The following LHFPL3 variants were observed in gnomAD, a reference collection of about 807,000 sequenced individuals.
LHFPL3 encodes LHFPL tetraspan subfamily member 3 protein.
Under a neutral mutation model 19.3 loss-of-function variants are expected in LHFPL3, and 5 were observed. The ratio of observed to expected loss-of-function variants is 0.26; its 90% CI spans 0.14 to 0.54. The LOEUF is 0.54. Among genes scored for constraint, LHFPL3 ranks in the 20% least tolerant of loss-of-function variants. The probability of loss-of-function intolerance (pLI) is 0.94; values close to 1 mark genes in which losing one functional copy is unlikely to be tolerated. For synonymous variants in LHFPL3, 133 were observed against 126.2 expected (o/e 1.05, Z -0.36); for missense variants, 249 against 307.4 (o/e 0.81, Z 1.42).
intron 1 of LHFPL3, among the ~76,000 whole-genome samples, chr7:104,615,486 C>A (rs1015988467): frequency 1.2e-4 from 18 of 152,166 alleles, no homozygotes; most frequent in African/African-American, 4.1e-4. Context: ...GAAACACAAG[C>A]ACCTCAATAT....
chr7:104,513,795 G>A (rs1373633789), intron 1 of LHFPL3, among the ~76,000 whole-genome samples: 1 of 152,176 alleles, frequency 6.6e-6, no homozygotes, highest in Non-Finnish European at 1.5e-5. Flanking sequence ...TTGGGTATCT[G>A]CTGGGCAACA....
intron 2 of LHFPL3, among the ~76,000 whole-genome samples, chr7:104,821,908 G>A (rs1465871506): frequency 1.3e-5 from 2 of 152,222 alleles, no homozygotes; most frequent in African/African-American, 2.4e-5. Context: ...TGCCACAAGT[G>A]TTAGAGAGCT....
chr7:104,738,894 A>G (rs1447418698), intron 2 of LHFPL3: 1 of 151,978 alleles, frequency 6.6e-6, no homozygotes, highest in Non-Finnish European at 1.5e-5. Context: ...TCTTTGCATA[A>G]TTTTTCTGTG....
At chr7:104,837,786 C>T (rs1442252827) in intron 2 of LHFPL3, among the ~76,000 whole-genome samples, 1 of 152,110 alleles carries the variant, frequency 6.6e-6, no homozygotes, top group Non-Finnish European at 1.5e-5. Flanking sequence ...ACTCAAAGCC[C>T]ACACAGGAAT....
intron 2 of LHFPL3, among the ~76,000 whole-genome samples, chr7:104,778,169 A>G (rs1794662231): frequency 6.6e-6 from 1 of 152,114 alleles, no homozygotes; most frequent in Non-Finnish European, 1.5e-5. Context: ...CATATCTTTC[A>G]TATGCTTTTA....
At chr7:104,874,406 T>G (rs35376612) in intron 2 of LHFPL3, among the ~76,000 whole-genome samples, 34,100 of 131,356 alleles carry the variant, frequency 0.26, 3,403 homozygotes, top group South Asian at 0.33. Flanking sequence ...TTTTTTTTTT[T>G]GGGGGGGGGA....
rs887152573 is a variant in LHFPL3, at chr7:104,621,420, A to G, written c.446-115255A>G. Among the ~76,000 whole-genome samples, 102 of 152,338 alleles carry G rather than the reference A, an allele frequency of 6.7e-4. 1 individual carries two copies. Among genetic ancestry groups the G allele is most frequent in the Admixed American group, 5.9e-4 (9 of 15,308 alleles). On this transcript the variant is annotated intron_variant, in intron 1 of 2. Coordinates refer to ENST00000424859, the MANE Select transcript of LHFPL3 (RefSeq NM_199000.3). Reference sequence around the variant, plus strand: ...GAGCTCCCAGAGTTAACATATTTGCACACTGAATTACTTTCCATTCCACCA... The same window carrying G: ...GAGCTCCCAGAGTTAACATATTTGCGCACTGAATTACTTTCCATTCCACCA...
chr7:104,548,473 G>A (rs924334615), intron 1 of LHFPL3, among the ~76,000 whole-genome samples: 3 of 151,986 alleles, frequency 2.0e-5, no homozygotes, highest in Admixed American at 2.0e-4. Flanking sequence ...CAAGTTCCAC[G>A]TCTTGCAAGG....
At chr7:104,552,224 A>G (rs910514813) in intron 1 of LHFPL3, among the ~76,000 whole-genome samples, 1 of 152,228 alleles carries the variant, frequency 6.6e-6, no homozygotes, top group Admixed American at 6.5e-5. Context: ...GCAAGGCATG[A>G]GCCACATAAC....
At chr7:104,538,725 G>A (rs1794433278) in intron 1 of LHFPL3, among the ~76,000 whole-genome samples, 1 of 152,174 alleles carries the variant, frequency 6.6e-6, no homozygotes, top group African/African-American at 2.4e-5. Context: ...AAGTGGGTAT[G>A]GTGGGCAGAA....
intron 1 of LHFPL3, among the ~76,000 whole-genome samples, chr7:104,420,189 C>T (rs1215787176): frequency 6.6e-6 from 1 of 152,174 alleles, no homozygotes; most frequent in Non-Finnish European, 1.5e-5. Context: ...GAGGTACATC[C>T]AGGCCTTCTG....
At position 104,565,673 on chromosome 7, in the gene LHFPL3, CT is replaced by C. The variant is rs138757133; in HGVS notation, c.446-170992del. Among the ~76,000 whole-genome samples, 402 of 149,188 alleles carry C rather than the reference CT, an allele frequency of 2.7e-3. 2 individuals are homozygous for C. Among genetic ancestry groups the C allele is most frequent in the Middle Eastern group, 0.017 (5 of 294 alleles). On this transcript the variant is annotated intron_variant, in intron 1 of 2. Transcript: ENST00000424859. Reference sequence around the variant, plus strand: ...TTCATCTTACTGGATAACAGTTAGACTTTTTTTTTTCAATTTCTCAAGTTTC... The same window carrying C: ...TTCATCTTACTGGATAACAGTTAGACTTTTTTTTTCAATTTCTCAAGTTTC...
intron 1 of LHFPL3, among the ~76,000 whole-genome samples, chr7:104,622,172 A>G (rs550573175): frequency 1.0e-3 from 152 of 151,940 alleles, no homozygotes; most frequent in South Asian, 1.7e-3. Flanking sequence ...CCTAATCATG[A>G]CTCACTGCAG....
At chr7:104,367,777 G>C (rs1790524505) in intron 1 of LHFPL3, among the ~76,000 whole-genome samples, 1 of 152,236 alleles carries the variant, frequency 6.6e-6, no homozygotes, top group Admixed American at 6.5e-5. Flanking sequence ...GCAGATAAAA[G>C]TCACTGTTGC....
At chr7:104,888,368 A>C (rs142327787) in intron 2 of LHFPL3, among the ~76,000 whole-genome samples, 4 of 151,604 alleles carry the variant, frequency 2.6e-5, no homozygotes, top group East Asian at 1.9e-4. Flanking sequence ...CAATCTCTAC[A>C]AAAAAAATTT....
At chr7:104,544,542 C>A (rs1030996266) in intron 1 of LHFPL3, among the ~76,000 whole-genome samples, 1 of 152,152 alleles carries the variant, frequency 6.6e-6, no homozygotes, top group East Asian at 1.9e-4. Flanking sequence ...GAAGTCATTT[C>A]TCTTTCAGTT....
At chr7:104,640,173 T>C (rs1227113700) in intron 1 of LHFPL3, among the ~76,000 whole-genome samples, 1 of 152,176 alleles carries the variant, frequency 6.6e-6, no homozygotes, top group African/African-American at 2.4e-5. Context: ...TGTTACATAG[T>C]TATACATGTG....
At chr7:104,351,511 G>A (rs531234223) in intron 1 of LHFPL3, among the ~76,000 whole-genome samples, 1 of 152,192 alleles carries the variant, frequency 6.6e-6, no homozygotes, top group African/African-American at 2.4e-5. Context: ...ACAGAAACTA[G>A]CCTCCTAGAC....
intron 1 of LHFPL3, among the ~76,000 whole-genome samples, chr7:104,732,413 G>A (rs1020134751): frequency 6.6e-6 from 1 of 152,160 alleles, no homozygotes; most frequent in African/African-American, 2.4e-5. Flanking sequence ...CCTGTTATTG[G>A]TCTATTCAGA....
Sources: allele counts gnomAD v4.1 joint callset (sites outside exome capture counted in the v4.1 genomes callset), GRCh38; gene constraint gnomAD v4.1.1; transcripts MANE v1.5; gene names NCBI Gene and HGNC (gene_info 2026-07-23, HGNC 2026-07-21).